Variants in C5 observed in about 807,000 individuals in gnomAD.
C5 encodes the protein C3 and PZP-like alpha-2-macroglobulin domain-containing protein 4.
In C5, 140 loss-of-function variants were observed where a neutral mutation model predicts 218.8. That is an observed-to-expected ratio of 0.64 (90% CI 0.56 to 0.74). The LOEUF is 0.74. Ranked by LOEUF, C5 falls within the 30% of genes least tolerant of loss-of-function variation. The pLI, the probability that C5 is intolerant of heterozygous loss-of-function variation, is 0.00. For synonymous variants in C5, 614 were observed against 682.3 expected, an observed-to-expected ratio of 0.90 and a Z score of 1.56; for missense variants, 1,700 against 1,969.6, an observed-to-expected ratio of 0.86 and a Z score of 2.59.
At chr9:121,058,214 T>C in the C5 span, among the ~76,000 whole-genome samples, 114,121 of 152,072 alleles carry the variant, frequency 0.75, 43,212 homozygotes, top group East Asian at 0.96. Context: ...AATTATCTCT[T>C]ATCTTGACAA....
chr9:121,018,286 A>C (rs1263930385), intron 12 of C5, among the ~76,000 whole-genome samples: 1 of 145,348 alleles, frequency 6.9e-6, no homozygotes, highest in East Asian at 2.0e-4. Context: ...AAGACATACC[A>C]ATTTTGGCTG....
chr9:120,970,531 G>A (rs1253895429), intron 31 of C5, among the ~76,000 whole-genome samples: 3 of 152,190 alleles, frequency 2.0e-5, no homozygotes, highest in South Asian at 4.1e-4. Context: ...CACTCTACAG[G>A]AGAGTTCCCA....
chr9:121,055,262 A>T (rs754081741), upstream of C5, among the ~76,000 whole-genome samples: 60 of 152,114 alleles, frequency 3.9e-4, no homozygotes, highest in Admixed American at 5.9e-4. Flanking sequence ...CAAGACCATG[A>T]TCACTCATAT....
chr9:121,025,502 A>T lies in C5; in HGVS notation c.952T>A (p.Leu318Ile). The T allele has an allele frequency of 6.2e-7, 1 of 1,612,580 alleles. No homozygotes were observed. The highest frequency in any genetic ancestry group is 8.5e-7 in the Non-Finnish European group (1 of 1,179,436). The change falls in exon 9 of 41, where the codon TTA becomes ATA. Residue 318 changes from leucine (L) to isoleucine (I), a missense_variant. By Grantham distance (5) the Leu-to-Ile change is conservative. Transcript: ENST00000223642. ...KELSYYSLED[L>I]NNKYLYIAVT... ...GCAATATAAAGGTACTTGTTGTTTA[A>T]ATCTTCTAAACTGTAGTATGACAGT... is the stretch of plus-strand genomic sequence containing the variant.
chr9:121,036,554 C>T (rs2047526507), intron 4 of C5, among the ~76,000 whole-genome samples: 1 of 152,202 alleles, frequency 6.6e-6, no homozygotes, highest in Non-Finnish European at 1.5e-5. Flanking sequence ...ATCAGTCAAT[C>T]AGTTTATTTA....
chr9:121,042,401 A>C lies in C5; in HGVS notation c.421+603T>G, dbSNP rs565931667. Among the ~76,000 whole-genome samples the C allele has an allele frequency of 1.9e-4, 29 of 152,334 alleles. 1 individual carries two copies. The highest frequency in any genetic ancestry group is 5.5e-4 in the African/African-American group (23 of 41,588). The stretch of plus-strand genomic sequence containing the variant: ...AACTTTCTTAGGTAGATCCCCTTTG[A>C]AAATTAATATCCATATATTTCTGTG... On this transcript the variant is annotated intron_variant, in intron 3 of 40. Transcript: ENST00000223642.
Position 121,020,172 on chromosome 9 carries a change from G to C in C5, c.1310C>G (p.Thr437Ser). 6.2e-7 allele frequency: 1 copy of C among 1,613,396 alleles called. No individual in the cohort carries two copies. Among genetic ancestry groups the C allele is most frequent in the Non-Finnish European group, 8.5e-7 (1 of 1,179,374 alleles). The change falls in exon 12 of 41, where the codon ACT (threonine) becomes AGT (serine). Residue 437 changes from threonine to serine, a missense_variant. Coordinates refer to ENST00000223642, the MANE Select transcript of C5 (RefSeq NM_001735.3). The stretch of plus-strand genomic sequence containing the variant: ...TTCTTCTGGAAGATCTGGAGCATCA[G>C]TTTTGACCTGAAAAGAGAAATTTCA... The part of the protein sequence containing the change: ...GVTVLEFNVK[T>S]DAPDLPEENQ...
rs1193128515 is a variant in C5 at position 121,043,128 on chromosome 9, A to C, written c.297T>G (p.Val99=). Residue 99 remains valine, a synonymous_variant, in exon 3 of 41, where the codon GTT becomes GTG. Coordinates refer to ENST00000223642, the MANE Select transcript of C5 (RefSeq NM_001735.3). The part of the protein sequence containing the change: ...PKQLPGGQNP[V]SYVYLEVVSK... ...ATACAACTTCCAAATACACATAAGA[A>C]ACTGGGTTTTGTCCTCCAGGCAATT... 6.2e-7 allele frequency: 1 copy of C among 1,613,446 alleles called. No individual in the cohort carries two copies. The highest frequency in any genetic ancestry group is 1.7e-5 in the Admixed American group (1 of 60,010).
At chr9:120,968,298 T>C (rs2046884410) in intron 33 of C5, among the ~76,000 whole-genome samples, 1 of 152,108 alleles carries the variant, frequency 6.6e-6, no homozygotes, top group Non-Finnish European at 1.5e-5. Context: ...GATTGGAAGA[T>C]GCTGTGACAC....
rs778237416 is a variant in C5 at position 120,982,674 on chromosome 9, T to TA, written c.3370dup (p.Tyr1124LeufsTer13). ...CCTTACCTGTAATTTTATTGGTTGA[T>TA]ACTGTGAATTTTCCTTGAAAGATCC... is the stretch of plus-strand genomic sequence containing the variant. On this transcript the variant is annotated frameshift_variant, in exon 26 of 41. Coordinates refer to ENST00000223642, the MANE Select transcript of C5 (RefSeq NM_001735.3). LOFTEE classifies it high-confidence loss of function. 9 of 1,606,734 alleles carry TA rather than the reference T, an allele frequency of 5.6e-6. No homozygotes were observed. The highest frequency in any genetic ancestry group is 1.1e-5 in the South Asian group (1 of 90,764).
chr9:120,971,292 C>CAT (rs540517951), intron 31 of C5, among the ~76,000 whole-genome samples: 203 of 150,514 alleles, frequency 1.3e-3, no homozygotes, highest in African/African-American at 4.3e-3. Flanking sequence ...GGATAGAAAA[C>CAT]ATATATATAT....
chr9:120,975,072 C>G, intron 29 of C5, 141 bp from the exon 30 acceptor site: 2 of 885,446 alleles, frequency 2.3e-6, no homozygotes, highest in Non-Finnish European at 3.7e-6. Flanking sequence ...GGTTAAGAGC[C>G]CCATTGTGGA....
chr9:121,002,018 T>C (rs956468668), intron 20 of C5, among the ~76,000 whole-genome samples: 1 of 151,558 alleles, frequency 6.6e-6, no homozygotes, highest in Non-Finnish European at 1.5e-5. Flanking sequence ...ACCATGTGAA[T>C]TACTGTGCAG....
At chr9:120,955,531 A>ATGAAAATGTTGC (rs1356931140) in intron 39 of C5, among the ~76,000 whole-genome samples, 1 of 152,224 alleles carries the variant, frequency 6.6e-6, no homozygotes, top group Non-Finnish European at 1.5e-5. Flanking sequence ...TGAACATTGG[A>ATGAAAATGTTGC]TGAAAATGTT....
In C5 at chr9:121,006,031, G is replaced by T; in HGVS notation, c.2450C>A (p.Ala817Glu). The change falls in exon 20 of 41, where the codon GCA becomes GAA. Residue 817 changes from alanine to glutamate, a missense_variant. Transcript: ENST00000223642. ...TGICVADTVK[A>E]KVFKDVFLEM... ...CAGGAAGACATCTTTGAACACCTTT[G>T]CCTTGACAGTATCAGCAACACATAT... is the stretch of plus-strand genomic sequence containing the variant. The T allele has an allele frequency of 6.2e-7, 1 of 1,613,708 alleles. No individual in the cohort carries two copies. Among genetic ancestry groups the T allele is most frequent in the South Asian group, 1.1e-5 (1 of 91,076 alleles).
chr9:120,997,560 G>A lies in C5; in HGVS notation c.2777C>T (p.Thr926Ile). Residue 926 changes from threonine to isoleucine, a missense_variant, in exon 21 of 41, where the codon ACA becomes ATA. By Grantham distance (89) the Thr-to-Ile change is moderately conservative. Coordinates refer to ENST00000223642, the MANE Select transcript of C5 (RefSeq NM_001735.3). Reference protein sequence around the residue: ...TWFGKEILVKTLRVVPEGVKR... With the variant: ...TWFGKEILVKILRVVPEGVKR... ...TGTTTTTCTTACCACCACTCGTAATGTTTTTACTAAGATTTCTTTTCCAAA... is the reference window on the plus strand; with the variant it reads ...TGTTTTTCTTACCACCACTCGTAATATTTTTACTAAGATTTCTTTTCCAAA... The A allele has an allele frequency of 6.2e-7, 1 of 1,612,278 alleles. No individual in the cohort carries two copies. Among genetic ancestry groups the A allele is most frequent in the Non-Finnish European group, 8.5e-7 (1 of 1,178,586 alleles).
chr9:121,074,499 T>C, the C5 span, among the ~76,000 whole-genome samples: 2 of 152,204 alleles, frequency 1.3e-5, no homozygotes, highest in African/African-American at 2.4e-5. Flanking sequence ...CTGGAGGGAA[T>C]TCGCTTTAGA....
intron 25 of C5, among the ~76,000 whole-genome samples, chr9:120,988,140 T>C (rs1400058315): frequency 6.6e-6 from 1 of 152,218 alleles, no homozygotes; most frequent in African/African-American, 2.4e-5. Flanking sequence ...TAATTCAGAC[T>C]ATCTTTCCCT....
rs2046765455 is a variant in C5 at position 120,953,843 on chromosome 9, A to G, written c.4788T>C (p.Ser1596=). The G allele has an allele frequency of 1.2e-6, 2 of 1,614,058 alleles. No homozygotes were observed. Among genetic ancestry groups the G allele is most frequent in the Non-Finnish European group, 1.7e-6 (2 of 1,179,912 alleles). Residue 1596 remains serine, a synonymous_variant, in exon 40 of 41, where the codon TCT becomes TCC. Coordinates refer to ENST00000223642, the MANE Select transcript of C5 (RefSeq NM_001735.3). ...KTGEAVAEKD[S]EITFIKKVTC... ...TTACCTTTTTAATGAAGGTAATCTC[A>G]GAGTCTTTCTCAGCAACAGCTTCCC...
Sources: gnomAD v4.1 joint callset for allele counts (sites outside exome capture counted in the v4.1 genomes callset) on GRCh38, gnomAD v4.1.1 for gene constraint, MANE v1.5 for transcripts, NCBI Gene and HGNC (gene_info 2026-07-23, HGNC 2026-07-21) for gene names.